TBC1D22B: variants seen among roughly 807,000 people sequenced by gnomAD.
The protein encoded by TBC1D22B is TBC1 domain family member 22B, also known as chromosome 6 open reading frame 197.
TBC1D22B carries 32 observed loss-of-function variants against 69.1 expected under a neutral mutation model. That is an observed-to-expected ratio of 0.46 (90% CI 0.35 to 0.62). TBC1D22B has a LOEUF of 0.62. Among genes scored for constraint, TBC1D22B ranks in the 20% least tolerant of loss-of-function variants. The probability of loss-of-function intolerance (pLI) is 0.00; values close to 1 mark genes in which losing one functional copy is unlikely to be tolerated. For synonymous variants in TBC1D22B, 206 were observed against 229.8 expected, an observed-to-expected ratio of 0.90 and a Z score of 0.94; for missense variants, 462 against 630.9, an observed-to-expected ratio of 0.73 and a Z score of 2.87.
In TBC1D22B at chr6:37,307,682, T is replaced by A. The variant is rs560672446; in HGVS notation, c.983-5236T>A. Among the ~76,000 whole-genome samples the A allele has an allele frequency of 1.5e-4, 23 of 152,258 alleles. No individual in the cohort carries two copies. In the South Asian group the frequency reaches 4.8e-3, roughly 32 times the overall value. The stretch of plus-strand genomic sequence containing the variant: ...TATCAGAAAATATTACGCAAGGTAT[T>A]CTTATGAGTCCGGTTCAACAACAAC... On this transcript the variant is annotated intron_variant, in intron 8 of 12. Coordinates refer to ENST00000373491, the MANE Select transcript of TBC1D22B (RefSeq NM_017772.4).
chr6:37,324,028 T>A (rs946574175), intron 12 of TBC1D22B, among the ~76,000 whole-genome samples: 10 of 152,224 alleles, frequency 6.6e-5, no homozygotes, highest in Non-Finnish European at 1.3e-4. Flanking sequence ...TGAAAAGTTG[T>A]ATAGGGACCA....
At chr6:37,288,963 A>C (rs1256062615) in intron 7 of TBC1D22B, among the ~76,000 whole-genome samples, 3 of 152,036 alleles carry the variant, frequency 2.0e-5, no homozygotes, top group African/African-American at 7.2e-5. Context: ...ATCATAGCTC[A>C]CTGCAACCTC....
intron 1 of TBC1D22B, among the ~76,000 whole-genome samples, chr6:37,262,496 C>G (rs1766140469): frequency 6.6e-6 from 1 of 152,150 alleles, no homozygotes; most frequent in Non-Finnish European, 1.5e-5. Context: ...ATCGAAATTA[C>G]CTGAGTCTTC....
At chr6:37,290,754 G>A (rs1282246778) in intron 7 of TBC1D22B, among the ~76,000 whole-genome samples, 2 of 151,876 alleles carry the variant, frequency 1.3e-5, no homozygotes, top group Admixed American at 1.3e-4. Flanking sequence ...ATTAAATCAA[G>A]ACCACCTTTC....
At chr6:37,295,810 G>A (rs566310789) in intron 8 of TBC1D22B, 25 of 186,372 alleles carry the variant, frequency 1.3e-4, no homozygotes, top group Non-Finnish European at 1.9e-4. Context: ...TGTCTTACAT[G>A]GTGGCAGGCA....
At chr6:37,286,226 C>T (rs887786344) in intron 6 of TBC1D22B, among the ~76,000 whole-genome samples, 3 of 152,180 alleles carry the variant, frequency 2.0e-5, no homozygotes, top group Non-Finnish European at 1.5e-5. Context: ...AAACATGTTC[C>T]ACATGGGCAG....
chr6:37,258,181 G>C, intron 1 of TBC1D22B: 2 of 583,518 alleles, frequency 3.4e-6, no homozygotes. Flanking sequence ...ACCGGGGTCT[G>C]GGGGCGGAGG....
intron 8 of TBC1D22B, among the ~76,000 whole-genome samples, chr6:37,296,558 G>A (rs1051204497): frequency 1.2e-4 from 18 of 151,984 alleles, no homozygotes; most frequent in African/African-American, 3.1e-4. Context: ...CCACATTGCC[G>A]AGGCTCGTCT....
At chr6:37,287,839 A>T (rs1183861934) in intron 7 of TBC1D22B, among the ~76,000 whole-genome samples, 1 of 152,196 alleles carries the variant, frequency 6.6e-6, no homozygotes, top group Non-Finnish European at 1.5e-5. Flanking sequence ...TAGTATGGGT[A>T]TGTGAATATC....
chr6:37,301,080 C>T (rs1025245843), intron 8 of TBC1D22B, among the ~76,000 whole-genome samples: 1 of 152,184 alleles, frequency 6.6e-6, no homozygotes, highest in Non-Finnish European at 1.5e-5. Context: ...CTTTTGTAAA[C>T]CAACTTTTAC....
chr6:37,312,299 T>C (rs925654938), intron 8 of TBC1D22B, among the ~76,000 whole-genome samples: 7 of 152,306 alleles, frequency 4.6e-5, no homozygotes, highest in African/African-American at 1.7e-4. Flanking sequence ...TTGAGTGTTC[T>C]GTAGGATTGA....
Position 37,316,674 on chromosome 6 carries a change from T to C in TBC1D22B, c.1166-29T>C, listed in dbSNP as rs199852239. ...CCCTTTCAGGGTCCAGTCCCCTAGG[T>C]TGATCCCCAATGATGCTTCCTGTTT... On this transcript the variant is annotated intron_variant, in intron 10 of 12. Coordinates refer to ENST00000373491, the MANE Select transcript of TBC1D22B (RefSeq NM_017772.4). 1.3e-4 allele frequency: 210 copies of C among 1,613,936 alleles called. No homozygotes were observed. In the African/African-American group the frequency reaches 2.3e-3, roughly 18 times the overall value.
At chr6:37,314,033 A>T in intron 10 of TBC1D22B, 142 bp downstream of exon 10, 1 of 717,816 alleles carries the variant, frequency 1.4e-6, no homozygotes, top group Non-Finnish European at 2.5e-6. Context: ...CAGCACCGGG[A>T]TCCTTCCACA....
intron 2 of TBC1D22B, among the ~76,000 whole-genome samples, chr6:37,275,113 T>C (rs1310666614): frequency 1.3e-5 from 2 of 152,196 alleles, no homozygotes; most frequent in East Asian, 1.9e-4. Context: ...TTCTTTTACA[T>C]TGAGTTAAGT....
Position 37,291,342 on chromosome 6 carries a change from C to T in TBC1D22B, c.967C>T (p.Leu323Phe), listed in dbSNP as rs199581214. The change falls in exon 8 of 13, where the codon CTC (leucine) becomes TTC (phenylalanine). Residue 323 changes from leucine to phenylalanine, a missense_variant. Leu to Phe is a conservative substitution (Grantham distance 22, BLOSUM62 0). Transcript: ENST00000373491. ...DLVTPFFVVF[L>F]SEYVEEDVEN... ...GGTCACTCCATTCTTTGTCGTCTTC[C>T]TCTCAGAATATGTGGGTAAGAAGCA... 3 of 1,609,926 alleles carry T rather than the reference C, an allele frequency of 1.9e-6. No individual in the cohort carries two copies. Among genetic ancestry groups the T allele is most frequent in the Non-Finnish European group, 2.5e-6 (3 of 1,177,886 alleles).
At chr6:37,270,914 C>A in intron 2 of TBC1D22B, among the ~76,000 whole-genome samples, 1 of 151,998 alleles carries the variant, frequency 6.6e-6, no homozygotes, top group East Asian at 1.9e-4. Flanking sequence ...AACATGGAGA[C>A]AGTGAGAAGA....
intron 10 of TBC1D22B, among the ~76,000 whole-genome samples, chr6:37,315,171 A>G (rs149701): frequency 0.014 from 2,098 of 152,256 alleles, 42 homozygotes; most frequent in African/African-American, 0.046. Context: ...CCGCCCTTAC[A>G]AATACGTGAT....
chr6:37,276,604 A>G (rs1219384784), intron 2 of TBC1D22B, among the ~76,000 whole-genome samples: 1 of 152,166 alleles, frequency 6.6e-6, no homozygotes, highest in Non-Finnish European at 1.5e-5. Flanking sequence ...ATCTACTTCA[A>G]ATATATATTG....
intron 12 of TBC1D22B, chr6:37,324,174 G>A (rs2113791918): frequency 5.0e-6 from 2 of 398,860 alleles, no homozygotes; most frequent in Non-Finnish European, 1.0e-5. Context: ...ACTGCAAAGT[G>A]ATTCTAGATA....
Sources: gnomAD v4.1 joint callset for allele counts (sites outside exome capture counted in the v4.1 genomes callset) on GRCh38, gnomAD v4.1.1 for gene constraint, MANE v1.5 for transcripts, NCBI Gene and HGNC (gene_info 2026-07-23, HGNC 2026-07-21) for gene names.